Variants in DYNC2H1 observed in about 807,000 individuals in gnomAD.
DYNC2H1 encodes the protein dynein cytoplasmic 2 heavy chain 1.
DYNC2H1 carries 410 observed loss-of-function variants against 570.0 expected under a neutral mutation model. That is an observed-to-expected ratio of 0.72 (90% CI 0.66 to 0.78). The LOEUF is 0.78. Ranked by LOEUF, DYNC2H1 falls within the 30% of genes least tolerant of loss-of-function variation. DYNC2H1 has a pLI of 0.00. For synonymous variants in DYNC2H1, 1,688 were observed against 1,677.6 expected (o/e 1.01, Z -0.15); for missense variants, 4,865 against 5,046.4 (o/e 0.96, Z 1.09).
intron 48 of DYNC2H1, among the ~76,000 whole-genome samples, chr11:103,198,449 A>T (rs756293749): frequency 6.6e-5 from 10 of 152,136 alleles, no homozygotes; most frequent in Non-Finnish European, 1.0e-4. Context: ...GGTAGTCCAG[A>T]TGTCTAAGAG....
Position 103,252,383 on chromosome 11 carries a change from G to T in DYNC2H1, c.10043-902G>T, listed in dbSNP as rs1864869298. 6.6e-6 allele frequency among the ~76,000 whole-genome samples: 1 copy of T among 152,100 alleles called. No individual in the cohort carries two copies. The highest frequency in any genetic ancestry group is 2.1e-4 in the South Asian group (1 of 4,816). Reference sequence around the variant, plus strand: ...TGGGCATATACCCAGAAAAAAGATTGCTGGGTCATATGGTAGTTCTGTTTT... The same window carrying T: ...TGGGCATATACCCAGAAAAAAGATTTCTGGGTCATATGGTAGTTCTGTTTT... On this transcript the variant is annotated intron_variant, in intron 65 of 88. Transcript: ENST00000375735. The surrounding 1 kb of genome is among the most constrained non-coding windows in gnomAD (Gnocchi z 4.6).
In DYNC2H1 at chr11:103,389,123, A is replaced by G. The variant is rs1405474384; in HGVS notation, c.12157-10540A>G. ...TCTGGTAGAATTCAGCTGTGAATCCATCTGGTCCTGGACTTTTTTTGGTTG... is the reference window on the plus strand; with the variant it reads ...TCTGGTAGAATTCAGCTGTGAATCCGTCTGGTCCTGGACTTTTTTTGGTTG... On this transcript the variant is annotated intron_variant, in intron 83 of 88. Coordinates refer to ENST00000375735, the MANE Select transcript of DYNC2H1 (RefSeq NM_001377.3). Among the ~76,000 whole-genome samples, 5 of 152,148 alleles carry G rather than the reference A, an allele frequency of 3.3e-5. No individual in the cohort carries two copies. The South Asian group carries it at 8.3e-4, about 25-fold the overall frequency.
Position 103,187,531 on chromosome 11 carries a change from A to G in DYNC2H1, c.7085A>G (p.Asn2362Ser), listed in dbSNP as rs1862122773. Residue 2362 changes from asparagine to serine, a missense_variant, in exon 43 of 89, where the codon AAC (asparagine) becomes AGC (serine). By Grantham distance (46) the Asn-to-Ser change is conservative. Around this residue, in one of 5 missense-constraint regions of DYNC2H1, gnomAD observed 2,401 missense variants for 2,454.6 expected, o/e 0.98. Coordinates refer to ENST00000375735, the MANE Select transcript of DYNC2H1 (RefSeq NM_001377.3). ...CTTGTTCTGTACTTAAAAGATATCAACCTACCTAAACTTGATAAATGGGGG... is the reference window on the plus strand; with the variant it reads ...CTTGTTCTGTACTTAAAAGATATCAGCCTACCTAAACTTGATAAATGGGGG... ...ERLVLYLKDI[N>S]LPKLDKWGTS... 6.2e-7 allele frequency: 1 copy of G among 1,613,290 alleles called. No individual in the cohort carries two copies. Among genetic ancestry groups the G allele is most frequent in the Non-Finnish European group, 8.5e-7 (1 of 1,179,462 alleles).
In DYNC2H1 at chr11:103,192,270, G is replaced by T. The variant is rs553141623; in HGVS notation, c.7708+6G>T. On this transcript the variant is annotated splice_donor_region_variant and intron_variant, in intron 47 of 88. Transcript: ENST00000375735. Reference sequence around the variant, plus strand: ...CATATTAGACAATATGTCAGGTAAGGTAATAGAGCTTATGCAAATACATAA... The same window carrying T: ...CATATTAGACAATATGTCAGGTAAGTTAATAGAGCTTATGCAAATACATAA... 1 of 1,499,938 alleles carries T rather than the reference G, an allele frequency of 6.7e-7. No homozygotes were observed. The highest frequency in any genetic ancestry group is 2.3e-5 in the East Asian group (1 of 43,126). The allele number at this position is 1,499,938 out of a possible 1,614,324, so 92.9% of individuals were successfully genotyped here. A position where few individuals can be genotyped will look rare whatever the true frequency, so the allele number is the denominator to read the frequency against.
At chr11:103,257,585 C>A in intron 68 of DYNC2H1, 23 bp from the exon 69 acceptor site, 2 of 1,597,406 alleles carry the variant, frequency 1.3e-6, no homozygotes, top group Non-Finnish European at 1.7e-6. Flanking sequence ...CACCCTATCC[C>A]CTACTGATCT....
At chr11:103,399,448 G>A (rs758869268) in intron 83 of DYNC2H1, among the ~76,000 whole-genome samples, 3 of 151,796 alleles carry the variant, frequency 2.0e-5, no homozygotes, top group African/African-American at 7.3e-5. Flanking sequence ...GAGCCACCGC[G>A]CCTGGCCCAC....
intron 82 of DYNC2H1, among the ~76,000 whole-genome samples, chr11:103,328,937 GAT>G (rs1362680486): frequency 6.6e-6 from 1 of 152,118 alleles, no homozygotes; most frequent in Admixed American, 6.5e-5. Context: ...AGATAAATTT[GAT>G]ATGTTAGTTC....
intron 82 of DYNC2H1, among the ~76,000 whole-genome samples, chr11:103,357,902 A>G (rs1418451589): frequency 2.0e-5 from 3 of 152,302 alleles, no homozygotes; most frequent in East Asian, 3.9e-4. Flanking sequence ...GTGAGCTATC[A>G]TTGCGCTATT....
chr11:103,408,897 T>C (rs1467754002), intron 84 of DYNC2H1, among the ~76,000 whole-genome samples: 1 of 152,092 alleles, frequency 6.6e-6, no homozygotes, highest in Non-Finnish European at 1.5e-5. Context: ...GGCGAGTTTC[T>C]ATTTGCCTTA....
chr11:103,194,975 C>G (rs1190467242), intron 47 of DYNC2H1, among the ~76,000 whole-genome samples: 1 of 152,180 alleles, frequency 6.6e-6, no homozygotes. Flanking sequence ...GCCTCAGCCT[C>G]CCAAAGTGCT....
intron 84 of DYNC2H1, among the ~76,000 whole-genome samples, chr11:103,418,973 C>T (rs1943381115): frequency 6.6e-6 from 1 of 152,154 alleles, no homozygotes; most frequent in Non-Finnish European, 1.5e-5. Context: ...TGCTACCCAG[C>T]AAGGAAAGAG....
chr11:103,125,065 A>G, intron 11 of DYNC2H1, 35 bp from the exon 12 acceptor site: 1 of 1,529,720 alleles, frequency 6.5e-7, no homozygotes, highest in Non-Finnish European at 9.0e-7. Flanking sequence ...CAGTGAGAAC[A>G]TGAAACTTAA....
At position 103,245,205 on chromosome 11, in the gene DYNC2H1, TTAAAG is replaced by T. The variant is rs1405248454; in HGVS notation, c.9919-42_9919-38del. ...ATCAAAGAAAGGATGTTTGTAAATA[TTAAAG>T]TAATTAAATAATTAATACGTATTCT... On this transcript the variant is annotated intron_variant, in intron 64 of 88. Coordinates refer to ENST00000375735, the MANE Select transcript of DYNC2H1 (RefSeq NM_001377.3). The surrounding 1 kb of genome is among the most constrained non-coding windows in gnomAD (Gnocchi z 4.5). 2 of 1,385,612 alleles carry T rather than the reference TTAAAG, an allele frequency of 1.4e-6. No individual in the cohort carries two copies. The highest frequency in any genetic ancestry group is 2.0e-6 in the Non-Finnish European group (2 of 1,025,208). 85.8% of individuals were successfully genotyped at this position (1,385,612 alleles called of 1,614,324 possible). A position where few individuals can be genotyped will look rare whatever the true frequency, so the allele number is the denominator to read the frequency against.
intron 17 of DYNC2H1, among the ~76,000 whole-genome samples, chr11:103,142,486 A>G (rs1473121065): frequency 6.6e-6 from 1 of 152,198 alleles, no homozygotes; most frequent in South Asian, 2.1e-4. Flanking sequence ...CCTCGTCAAC[A>G]TGGCGAAACA....
chr11:103,455,076 C>T (rs1944739150), intron 85 of DYNC2H1, 110 bp from the exon 86 acceptor site: 2 of 674,798 alleles, frequency 3.0e-6, no homozygotes, highest in African/African-American at 3.6e-5. Context: ...TTCTAGCTAC[C>T]ATTTCAGAGC....
intron 82 of DYNC2H1, 128 bp from the exon 83 acceptor site, chr11:103,358,115 T>C (rs1379580809): frequency 1.3e-5 from 7 of 556,278 alleles, no homozygotes; most frequent in Non-Finnish European, 2.2e-5. Flanking sequence ...AATAAGATTA[T>C]AAACTGTTGA....
intron 70 of DYNC2H1, among the ~76,000 whole-genome samples, chr11:103,271,338 G>T (rs1184351917): frequency 2.6e-5 from 4 of 152,134 alleles, no homozygotes; most frequent in African/African-American, 7.2e-5. Flanking sequence ...TGAAAATACA[G>T]TTGAATGTGC....
chr11:103,200,452 C>T (rs558671709), intron 50 of DYNC2H1, among the ~76,000 whole-genome samples: 1 of 152,234 alleles, frequency 6.6e-6, no homozygotes, highest in Admixed American at 6.5e-5. Flanking sequence ...GGAAAATTAT[C>T]ATCTAGGACT....
At chr11:103,357,187 TAA>T (rs1940391285) in intron 82 of DYNC2H1, among the ~76,000 whole-genome samples, 1 of 152,104 alleles carries the variant, frequency 6.6e-6, no homozygotes, top group Non-Finnish European at 1.5e-5. Context: ...AAATGATTAA[TAA>T]GATTCATTAA....
Sources: gnomAD v4.1 joint callset for allele counts (sites outside exome capture counted in the v4.1 genomes callset) on GRCh38, gnomAD v4.1.1 for gene constraint, gnomAD v4.1.1 regional missense constraint, Gnocchi (gnomAD v3.1) non-coding constraint, MANE v1.5 for transcripts, NCBI Gene and HGNC (gene_info 2026-07-23, HGNC 2026-07-21) for gene names.